The following GABRB1 variants were observed in gnomAD, a reference collection of about 807,000 sequenced individuals.
GABRB1 encodes gamma-aminobutyric acid receptor subunit beta-1.
In GABRB1, 17 loss-of-function variants were observed where a neutral mutation model predicts 51.6. The ratio of observed to expected loss-of-function variants is 0.33; its 90% confidence interval spans 0.23 to 0.49. The LOEUF (loss-of-function observed/expected upper bound fraction) is 0.49. Ranked by LOEUF, GABRB1 falls within the 20% of genes least tolerant of loss-of-function variation. The pLI is 0.99. For synonymous variants in GABRB1, 247 were observed against 218.9 expected (o/e 1.13, Z -1.14); for missense variants, 410 against 600.6 (o/e 0.68, Z 3.32).
chr4:47,208,365 G>A (rs553050286), intron 4 of GABRB1, among the ~76,000 whole-genome samples: 1 of 152,158 alleles, frequency 6.6e-6, no homozygotes, highest in South Asian at 2.1e-4. Context: ...TGCTTAATAG[G>A]TACAAAGATT....
intron 4 of GABRB1, among the ~76,000 whole-genome samples, chr4:47,249,407 G>A (rs182429028): frequency 3.6e-4 from 55 of 152,088 alleles, no homozygotes; most frequent in African/African-American, 9.2e-4. Flanking sequence ...TAAATTTATC[G>A]AGGCTCATTT....
At chr4:47,400,852 T>C (rs1481795161) in intron 5 of GABRB1, among the ~76,000 whole-genome samples, 2 of 151,928 alleles carry the variant, frequency 1.3e-5, no homozygotes, top group Admixed American at 6.6e-5. Context: ...AGTTACTTCA[T>C]ATAGGATAAT....
chr4:47,162,494 G>A (rs1718004587), intron 4 of GABRB1, among the ~76,000 whole-genome samples: 1 of 151,862 alleles, frequency 6.6e-6, no homozygotes, highest in South Asian at 2.1e-4. Context: ...GGTTTACATT[G>A]TCAGATTACA....
At chr4:47,185,805 T>A (rs984856787) in intron 4 of GABRB1, among the ~76,000 whole-genome samples, 37 of 151,922 alleles carry the variant, frequency 2.4e-4, no homozygotes, top group African/African-American at 8.7e-4. Context: ...CAACCTTTTT[T>A]AAAAAAATTT....
chr4:47,032,358 C>G (rs1725356701), intron 2 of GABRB1, 59 bp from the exon 3 acceptor site: 1 of 1,458,460 alleles, frequency 6.9e-7, no homozygotes, highest in Non-Finnish European at 9.4e-7. Context: ...CCCCCAGACC[C>G]TCCCCAGCCT....
chr4:47,321,036 G>A (rs1483352654), intron 5 of GABRB1, among the ~76,000 whole-genome samples: 1 of 152,092 alleles, frequency 6.6e-6, no homozygotes, highest in Non-Finnish European at 1.5e-5. Context: ...TAGTCTGATT[G>A]ACTATCTTTT....
chr4:47,103,374 A>G (rs1714805232), intron 3 of GABRB1, among the ~76,000 whole-genome samples: 1 of 152,026 alleles, frequency 6.6e-6, no homozygotes, highest in Non-Finnish European at 1.5e-5. Flanking sequence ...GTAGCTTTCT[A>G]TAGATATATT....
At chr4:47,062,779 G>T (rs2109530369) in intron 3 of GABRB1, among the ~76,000 whole-genome samples, 1 of 152,130 alleles carries the variant, frequency 6.6e-6, no homozygotes, top group East Asian at 1.9e-4. Context: ...TTACCTGCTG[G>T]TTACCTTATC....
intron 3 of GABRB1, among the ~76,000 whole-genome samples, chr4:47,145,887 A>G (rs1717147124): frequency 6.6e-6 from 1 of 151,998 alleles, no homozygotes; most frequent in Non-Finnish European, 1.5e-5. Flanking sequence ...CACTGTACCA[A>G]AATACACATT....
At chr4:47,379,149 A>T (rs2110027221) in intron 5 of GABRB1, among the ~76,000 whole-genome samples, 1 of 152,302 alleles carries the variant, frequency 6.6e-6, no homozygotes, top group Admixed American at 6.5e-5. Flanking sequence ...TACTGAACAT[A>T]CTATAGTACA....
chr4:47,082,940 A>G (rs1577891716), intron 3 of GABRB1, among the ~76,000 whole-genome samples: 1 of 152,146 alleles, frequency 6.6e-6, no homozygotes, highest in Admixed American at 6.6e-5. Context: ...TCAGGAATTT[A>G]CCTTAATAGT....
intron 3 of GABRB1, among the ~76,000 whole-genome samples, chr4:47,131,305 C>A (rs150768782): frequency 2.0e-5 from 3 of 152,142 alleles, no homozygotes; most frequent in African/African-American, 7.2e-5. Context: ...ATTACAGGCA[C>A]GTGCCACCAT....
chr4:46,995,784 G>T (rs1249577436), intron 1 of GABRB1, among the ~76,000 whole-genome samples: 2 of 152,100 alleles, frequency 1.3e-5, no homozygotes, highest in Non-Finnish European at 2.9e-5. Flanking sequence ...TAATGGCTTT[G>T]GGGAAACAGT....
rs947088582 is a variant in GABRB1, at chr4:47,425,555, A to G, written c.1081-119A>G. 9 of 743,060 alleles carry G rather than the reference A, an allele frequency of 1.2e-5. No individual in the cohort carries two copies. In the Admixed American group the frequency reaches 1.8e-4, roughly 15 times the overall value. 46.0% of individuals were successfully genotyped at this position (743,060 alleles called of 1,614,324 possible). A position where few individuals can be genotyped will look rare whatever the true frequency, so the allele number is the denominator to read the frequency against. ...ATCTCCACATCAGGGAGGCACATCA[A>G]GCCAGATGTTTAGGAACACAGTGTT... On this transcript the variant is annotated intron_variant, in intron 8 of 8. Transcript: ENST00000295454.
rs181706957 is a variant in GABRB1 at position 47,091,869 on chromosome 4, C to T, written c.240+59385C>T. Among the ~76,000 whole-genome samples the T allele has an allele frequency of 2.0e-5, 3 of 152,292 alleles. No individual in the cohort carries two copies. The East Asian group carries it at 5.8e-4, about 29-fold the overall frequency. On this transcript the variant is annotated intron_variant, in intron 3 of 8. Coordinates refer to ENST00000295454, the MANE Select transcript of GABRB1 (RefSeq NM_000812.4). ...ACACCGGCCTCCACCAGCTACCTCCCGCTGTTAGTGTCTTCGTACACACAA... is the reference window on the plus strand; with the variant it reads ...ACACCGGCCTCCACCAGCTACCTCCTGCTGTTAGTGTCTTCGTACACACAA...
intron 1 of GABRB1, chr4:46,994,544 G>A (rs1220072277): frequency 6.6e-6 from 1 of 152,066 alleles, no homozygotes; most frequent in Non-Finnish European, 1.5e-5. Context: ...GAGGCAGAAG[G>A]TGGGGTATGG....
chr4:47,036,351 G>T (rs1028745494), intron 3 of GABRB1, among the ~76,000 whole-genome samples: 3 of 152,078 alleles, frequency 2.0e-5, no homozygotes, highest in African/African-American at 7.2e-5. Context: ...GTAACTGCTT[G>T]TCAGATTCCC....
chr4:47,028,121 C>G (rs566777284), upstream of GABRB1, among the ~76,000 whole-genome samples: 3 of 151,726 alleles, frequency 2.0e-5, no homozygotes, highest in South Asian at 6.2e-4. Flanking sequence ...TACTACTGAG[C>G]TTGAAACTTT....
At chr4:47,148,189 A>T (rs967631278) in intron 3 of GABRB1, among the ~76,000 whole-genome samples, 1 of 151,758 alleles carries the variant, frequency 6.6e-6, no homozygotes, top group Admixed American at 6.6e-5. Context: ...GTCAAGAAAT[A>T]CTCTTAGGTT....
Sources: gnomAD v4.1 joint callset for allele counts (sites outside exome capture counted in the v4.1 genomes callset) on GRCh38, gnomAD v4.1.1 for gene constraint, MANE v1.5 for transcripts, NCBI Gene and HGNC (gene_info 2026-07-23, HGNC 2026-07-21) for gene names.